The following EYA1 variants were observed in gnomAD, a reference collection of about 807,000 sequenced individuals.
The protein encoded by EYA1 is protein phosphatase EYA1.
In EYA1, 16 loss-of-function variants were observed where a neutral mutation model predicts 82.0. The observed-to-expected ratio is 0.20, with a 90% CI of 0.13 to 0.30. EYA1 has a LOEUF of 0.30. Ranked by LOEUF, EYA1 falls within the 10% of genes least tolerant of loss-of-function variation. The pLI is 1.00. For synonymous variants in EYA1, 261 were observed against 264.4 expected (o/e 0.99, Z 0.12); for missense variants, 633 against 730.7 (o/e 0.87, Z 1.54).
At chr8:71,467,132 C>T (rs1383459007) in intron 2 of EYA1, among the ~76,000 whole-genome samples, 1 of 151,660 alleles carries the variant, frequency 6.6e-6, no homozygotes, top group African/African-American at 2.4e-5. Context: ...AATGTAATAG[C>T]TAAACATGAG....
intron 2 of EYA1, among the ~76,000 whole-genome samples, chr8:71,463,840 A>T (rs1808590212): frequency 6.6e-6 from 1 of 151,832 alleles, no homozygotes; most frequent in Non-Finnish European, 1.5e-5. Context: ...TCTTTAATTG[A>T]CTTTCCTTTC....
intron 12 of EYA1, among the ~76,000 whole-genome samples, chr8:71,226,599 A>T (rs1005683893): frequency 2.0e-5 from 3 of 149,474 alleles, no homozygotes; most frequent in Non-Finnish European, 4.5e-5. Flanking sequence ...GCTTATTTAA[A>T]ACTGTTCAAC....
At chr8:71,371,155 T>G (rs959494370) in intron 2 of EYA1, among the ~76,000 whole-genome samples, 1 of 152,086 alleles carries the variant, frequency 6.6e-6, no homozygotes, top group Non-Finnish European at 1.5e-5. Context: ...TGGGTACAAG[T>G]CAGTATAAGA....
At chr8:71,451,381 A>T (rs1807360257) in intron 2 of EYA1, among the ~76,000 whole-genome samples, 1 of 152,350 alleles carries the variant, frequency 6.6e-6, no homozygotes, top group African/African-American at 2.4e-5. Flanking sequence ...ATCTTCAGAA[A>T]CTATTGGAGA....
In EYA1 at chr8:71,211,267, A is replaced by AAAAT. The variant is rs746812782; in HGVS notation, c.1598-15_1598-12dup. Reference sequence around the variant, plus strand: ...AACAGCTTTCTTTTCCTAGTGAACAAAAATAAATGATAGAAAATGTGAAGT... The same window carrying AAAAT: ...AACAGCTTTCTTTTCCTAGTGAACAAAAATAAATAAATGATAGAAAATGTGAAGT... On this transcript the variant is annotated splice_polypyrimidine_tract_variant and intron_variant, in intron 16 of 17. Transcript: ENST00000340726. 89 of 1,542,804 alleles carry AAAAT rather than the reference A, an allele frequency of 5.8e-5. No homozygotes were observed. The highest frequency in any genetic ancestry group is 1.7e-4 in the Middle Eastern group (1 of 5,914).
At chr8:71,320,952 T>C (rs920677293) in intron 6 of EYA1, among the ~76,000 whole-genome samples, 1 of 152,206 alleles carries the variant, frequency 6.6e-6, no homozygotes, top group Non-Finnish European at 1.5e-5. Flanking sequence ...CACTAGTTTT[T>C]ATTCTTTTCT....
At chr8:71,416,995 G>A (rs756289277) in intron 2 of EYA1, among the ~76,000 whole-genome samples, 4 of 152,180 alleles carry the variant, frequency 2.6e-5, no homozygotes, top group Non-Finnish European at 4.4e-5. Context: ...CTAATCAGCT[G>A]CCACCACTTC....
At chr8:71,396,856 T>G (rs574777269) in intron 2 of EYA1, among the ~76,000 whole-genome samples, 3 of 152,324 alleles carry the variant, frequency 2.0e-5, no homozygotes, top group Admixed American at 6.5e-5. Context: ...TGACTTTCTG[T>G]GTCGTTGATC....
chr8:71,210,285 A>G (rs1808338679), intron 17 of EYA1, among the ~76,000 whole-genome samples: 1 of 152,244 alleles, frequency 6.6e-6, no homozygotes, highest in African/African-American at 2.4e-5. Flanking sequence ...TACATGAATT[A>G]AATTTTGCAA....
chr8:71,522,517 G>T (rs1813477531), intron 2 of EYA1, among the ~76,000 whole-genome samples: 1 of 152,086 alleles, frequency 6.6e-6, no homozygotes, highest in Non-Finnish European at 1.5e-5. Flanking sequence ...AAGAAAATCA[G>T]CTGATTTAAT....
intron 1 of EYA1, among the ~76,000 whole-genome samples, chr8:71,545,653 C>T (rs565595598): frequency 1.2e-4 from 18 of 151,110 alleles, no homozygotes; most frequent in Non-Finnish European, 1.6e-4. Flanking sequence ...GCTCTGCCTC[C>T]CCGGTTCACG....
chr8:71,206,254 T>A (rs1807757109), intron 17 of EYA1, among the ~76,000 whole-genome samples: 1 of 152,010 alleles, frequency 6.6e-6, no homozygotes, highest in South Asian at 2.1e-4. Context: ...GGTCTTACTC[T>A]GTCACCCAGG....
intron 2 of EYA1, among the ~76,000 whole-genome samples, chr8:71,395,277 C>T (rs28887316): frequency 1.9e-3 from 296 of 151,924 alleles, no homozygotes; most frequent in Middle Eastern, 0.01. Context: ...ATTGAATAAC[C>T]TTTATTTCTT....
chr8:71,216,899 A>C (rs1809279614), intron 13 of EYA1, 47 bp from the exon 14 acceptor site: 2 of 1,612,884 alleles, frequency 1.2e-6, no homozygotes, highest in East Asian at 4.5e-5. Context: ...CAGAAAGTCC[A>C]TCTTAATTAG....
At chr8:71,539,512 G>C (rs1310514394) in intron 1 of EYA1, among the ~76,000 whole-genome samples, 1 of 152,162 alleles carries the variant, frequency 6.6e-6, no homozygotes, top group Non-Finnish European at 1.5e-5. Context: ...ACAGCAGAAG[G>C]CCTCCCAGAC....
At chr8:71,309,746 A>T (rs575543085) in intron 7 of EYA1, among the ~76,000 whole-genome samples, 2 of 152,298 alleles carry the variant, frequency 1.3e-5, no homozygotes, top group East Asian at 1.9e-4. Flanking sequence ...ATGTTACTGG[A>T]TCATTCCCAC....
Position 71,287,442 on chromosome 8 carries a change from G to A in EYA1, c.826+11605C>T, listed in dbSNP as rs1214450085. ...TTCCCTGTTCACGCAGGCACTAATC[G>A]AGGTCTCTAGGTAAATTAATTCATT... On this transcript the variant is annotated intron_variant, in intron 9 of 17. Transcript: ENST00000340726. Among the ~76,000 whole-genome samples, 8 of 152,076 alleles carry A rather than the reference G, an allele frequency of 5.3e-5. No homozygotes were observed. In the East Asian group the frequency reaches 7.7e-4, roughly 15 times the overall value.
At chr8:71,337,023 A>G (rs917604532) in intron 3 of EYA1, among the ~76,000 whole-genome samples, 3 of 152,208 alleles carry the variant, frequency 2.0e-5, no homozygotes, top group Non-Finnish European at 4.4e-5. Flanking sequence ...ATCTCTGGCC[A>G]CCAAAATTTT....
intron 2 of EYA1, among the ~76,000 whole-genome samples, chr8:71,458,268 T>A (rs1401397134): frequency 1.3e-5 from 2 of 152,152 alleles, no homozygotes; most frequent in Non-Finnish European, 2.9e-5. Flanking sequence ...AGGTAAGACA[T>A]GGATTGGGGA....
Sources: gnomAD v4.1 joint callset for allele counts (sites outside exome capture counted in the v4.1 genomes callset) on GRCh38, gnomAD v4.1.1 for gene constraint, MANE v1.5 for transcripts, NCBI Gene and HGNC (gene_info 2026-07-23, HGNC 2026-07-21) for gene names.